SAMD4A: variants seen among roughly 807,000 people sequenced by gnomAD.
SAMD4A encodes sterile alpha motif domain containing 4A, also known as protein Smaug homolog 1.
SAMD4A carries 33 observed loss-of-function variants against 81.3 expected under a neutral mutation model. The ratio of observed to expected loss-of-function variants is 0.41; its 90% CI spans 0.31 to 0.54. SAMD4A has a LOEUF of 0.54. Among genes scored for constraint, SAMD4A ranks in the 20% least tolerant of loss-of-function variants. The probability of loss-of-function intolerance (pLI) is 0.37; values close to 1 mark genes in which losing one functional copy is unlikely to be tolerated. For synonymous variants in SAMD4A, 389 were observed against 382.1 expected (o/e 1.02, Z -0.21); for missense variants, 854 against 951.1 (o/e 0.90, Z 1.34).
intron 11 of SAMD4A, among the ~76,000 whole-genome samples, chr14:54,782,791 G>A (rs1013582500): frequency 4.6e-5 from 7 of 152,200 alleles, no homozygotes; most frequent in Admixed American, 3.9e-4. Context: ...TTAATGTATA[G>A]CAAATCAAGG....
intron 2 of SAMD4A, among the ~76,000 whole-genome samples, chr14:54,701,323 T>G (rs2036711768): frequency 6.6e-6 from 1 of 152,200 alleles, no homozygotes; most frequent in Non-Finnish European, 1.5e-5. Context: ...CTAATGCCAC[T>G]GAACATCCAC....
In SAMD4A at chr14:54,784,567, T is replaced by A. The variant is rs2039085539; in HGVS notation, c.2075T>A (p.Ile692Asn). The change falls in exon 12 of 13, where the codon ATC becomes AAC. Residue 692 changes from isoleucine to asparagine, a missense_variant. By Grantham distance (149) the Ile-to-Asn change is moderately radical. Coordinates refer to ENST00000554335, the MANE Select transcript of SAMD4A (RefSeq NM_015589.6). The stretch of plus-strand genomic sequence containing the variant: ...CAGCTTCCCGTGACCGAACCTGACA[T>A]CAACAACAGGCTGGAGTCGTTGTGC... ...EFQLPVTEPD[I>N]NNRLESLCLS... is the part of the protein sequence containing the mutation. 6.2e-7 allele frequency: 1 copy of A among 1,614,048 alleles called. No homozygotes were observed. Among genetic ancestry groups the A allele is most frequent in the Non-Finnish European group, 8.5e-7 (1 of 1,180,028 alleles).
chr14:54,600,832 C>A (rs151069115), intron 2 of SAMD4A, among the ~76,000 whole-genome samples: 78 of 152,246 alleles, frequency 5.1e-4, no homozygotes, highest in Middle Eastern at 3.4e-3. Flanking sequence ...ATCTGCAGGG[C>A]GGGTTAGTCA....
chr14:54,777,853 A>G (rs77972547), intron 11 of SAMD4A, among the ~76,000 whole-genome samples: 2,598 of 152,222 alleles, frequency 0.017, 40 homozygotes, highest in South Asian at 0.05. Context: ...CTCTATATTT[A>G]TGCACCAAAA....
chr14:54,768,868 AT>A, intron 8 of SAMD4A, among the ~76,000 whole-genome samples: 1 of 152,334 alleles, frequency 6.6e-6, no homozygotes, highest in South Asian at 2.1e-4. Context: ...TTCTCCTGGT[AT>A]TTAGGTCCTT....
intron 2 of SAMD4A, among the ~76,000 whole-genome samples, chr14:54,571,313 C>G (rs1441462090): frequency 6.6e-6 from 1 of 152,126 alleles, no homozygotes; most frequent in Non-Finnish European, 1.5e-5. Context: ...ATGATCAGTT[C>G]TCTAGTACAG....
At chr14:54,758,178 C>G (rs1468729028) in intron 6 of SAMD4A, among the ~76,000 whole-genome samples, 1 of 152,194 alleles carries the variant, frequency 6.6e-6, no homozygotes, top group Admixed American at 6.5e-5. Flanking sequence ...ATTCTGGTGG[C>G]TAATTAAAAT....
At chr14:54,701,978 A>G in intron 2 of SAMD4A, 84 bp from the exon 3 acceptor site, 1 of 1,424,082 alleles carries the variant, frequency 7.0e-7, no homozygotes, top group Admixed American at 1.9e-5. Context: ...TGGGACCCTA[A>G]TCCATAAAAA....
intron 3 of SAMD4A, among the ~76,000 whole-genome samples, chr14:54,705,954 G>A (rs982095190): frequency 6.6e-6 from 1 of 152,208 alleles, no homozygotes; most frequent in Non-Finnish European, 1.5e-5. Flanking sequence ...TCTAAGAGCT[G>A]CCACAAGGCA....
chr14:54,641,852 C>T (rs533437838), intron 2 of SAMD4A, among the ~76,000 whole-genome samples: 1 of 152,044 alleles, frequency 6.6e-6, no homozygotes, highest in African/African-American at 2.4e-5. Flanking sequence ...GGCTTGAGTA[C>T]AGTGGTGCAA....
chr14:54,571,968 A>G (rs1196797315), intron 2 of SAMD4A, among the ~76,000 whole-genome samples: 1 of 152,228 alleles, frequency 6.6e-6, no homozygotes, highest in Non-Finnish European at 1.5e-5. Context: ...TTTTAAGGTT[A>G]CAAATGGCAT....
At chr14:54,778,526 G>A (rs2038918610) in intron 11 of SAMD4A, among the ~76,000 whole-genome samples, 1 of 152,174 alleles carries the variant, frequency 6.6e-6, no homozygotes, top group Admixed American at 6.5e-5. Context: ...CTAGCCCACA[G>A]GCACAACCCC....
At chr14:54,644,693 A>T (rs1466164302) in intron 2 of SAMD4A, among the ~76,000 whole-genome samples, 3 of 152,238 alleles carry the variant, frequency 2.0e-5, no homozygotes, top group African/African-American at 7.2e-5. Flanking sequence ...TAATGGAGTT[A>T]TGTTTTTGTA....
intron 2 of SAMD4A, among the ~76,000 whole-genome samples, chr14:54,644,041 C>T (rs1480896844): frequency 1.3e-5 from 2 of 152,186 alleles, no homozygotes; most frequent in Non-Finnish European, 2.9e-5. Context: ...TTTGGGTGAT[C>T]TGGAAGTTTC....
chr14:54,698,142 A>G (rs2036621308), intron 2 of SAMD4A, among the ~76,000 whole-genome samples: 1 of 152,274 alleles, frequency 6.6e-6, no homozygotes, highest in South Asian at 2.1e-4. Flanking sequence ...TCAAATAAAT[A>G]GTTAACATAT....
intron 2 of SAMD4A, among the ~76,000 whole-genome samples, chr14:54,692,767 A>C (rs1008843675): frequency 6.6e-6 from 1 of 152,052 alleles, no homozygotes; most frequent in African/African-American, 2.4e-5. Flanking sequence ...TGTGGTTTAC[A>C]AGAATGTGTC....
intron 2 of SAMD4A, among the ~76,000 whole-genome samples, chr14:54,601,109 G>A (rs938032047): frequency 1.7e-4 from 26 of 152,114 alleles, no homozygotes; most frequent in African/African-American, 6.3e-4. Flanking sequence ...AAAATGGATG[G>A]TCCCTCCTGA....
intron 6 of SAMD4A, among the ~76,000 whole-genome samples, chr14:54,753,344 A>G (rs1043289241): frequency 6.6e-6 from 1 of 152,264 alleles, no homozygotes; most frequent in Non-Finnish European, 1.5e-5. Context: ...AATGGCGATG[A>G]CTTTTACCAA....
chr14:54,570,370 T>C (rs577412076), intron 2 of SAMD4A, among the ~76,000 whole-genome samples: 8 of 152,290 alleles, frequency 5.3e-5, no homozygotes, highest in Admixed American at 5.2e-4. Flanking sequence ...CCAGAGTAGA[T>C]AGCATGAAAG....
Sources: allele counts gnomAD v4.1 joint callset (sites outside exome capture counted in the v4.1 genomes callset), GRCh38; gene constraint gnomAD v4.1.1; transcripts MANE v1.5; gene names NCBI Gene and HGNC (gene_info 2026-07-23, HGNC 2026-07-21).